HSPG2: variants seen among roughly 807,000 people sequenced by gnomAD.
HSPG2 encodes heparan sulfate proteoglycan 2, also known as basement membrane-specific heparan sulfate proteoglycan core protein.
In HSPG2, 278 loss-of-function variants were observed where a neutral mutation model predicts 526.6. The observed-to-expected ratio is 0.53, with a 90% CI of 0.48 to 0.58. The LOEUF is 0.58. Among genes scored for constraint, HSPG2 ranks in the 20% least tolerant of loss-of-function variants. The pLI is 0.00. For synonymous variants in HSPG2, 2,465 were observed against 2,555.4 expected (o/e 0.96, Z 1.07); for missense variants, 5,354 against 6,099.5 (o/e 0.88, Z 4.07).
intron 3 of HSPG2, among the ~76,000 whole-genome samples, chr1:21,894,423 C>A (rs1484042530): frequency 6.6e-6 from 1 of 152,118 alleles, no homozygotes; most frequent in Non-Finnish European, 1.5e-5. Context: ...CTGCTGCCTC[C>A]CTGACTGGCA....
intron 21 of HSPG2, among the ~76,000 whole-genome samples, chr1:21,877,820 G>C (rs1641200281): frequency 6.6e-6 from 1 of 152,140 alleles, no homozygotes; most frequent in Admixed American, 6.5e-5. Flanking sequence ...CCTAACGCAA[G>C]TGACCTCCCT....
intron 63 of HSPG2, 40 bp downstream of exon 63, chr1:21,846,408 C>T (rs1460318174): frequency 2.5e-6 from 4 of 1,612,540 alleles, no homozygotes; most frequent in Admixed American, 1.7e-5. Context: ...AGGGCCCCCA[C>T]ATCCAGCGGC....
chr1:21,870,726 C>T, intron 33 of HSPG2: 1 of 594,662 alleles, frequency 1.7e-6, no homozygotes, highest in Non-Finnish European at 2.1e-6. Context: ...TTCATGCAGA[C>T]CCCCAATGCC....
intron 63 of HSPG2, 31 bp from the exon 64 acceptor site, chr1:21,846,286 T>C: frequency 6.2e-7 from 1 of 1,612,418 alleles, no homozygotes; most frequent in Non-Finnish European, 8.5e-7. Context: ...AGGAACAGAG[T>C]CAGGTGCCAG....
chr1:21,824,067 T>C lies in HSPG2; in HGVS notation c.12899+54A>G. On this transcript the variant is annotated intron_variant, in intron 95 of 96. Coordinates refer to ENST00000374695, the MANE Select transcript of HSPG2 (RefSeq NM_005529.7). This position sits in a 1 kb window ranked among gnomAD's most constrained non-coding sequence, Gnocchi z 5.9. Reference sequence around the variant, plus strand: ...TCTCTGCCCATGGTAGGGGGCGTCCTGCCCCACTCCAGAACGCTGGGCCCC... The same window carrying C: ...TCTCTGCCCATGGTAGGGGGCGTCCCGCCCCACTCCAGAACGCTGGGCCCC... 1 of 1,494,528 alleles carries C rather than the reference T, an allele frequency of 6.7e-7. No individual in the cohort carries two copies. The highest frequency in any genetic ancestry group is 2.3e-4 in the Middle Eastern group (1 of 4,416). The allele number at this position is 1,494,528 out of a possible 1,614,324, so 92.6% of individuals were successfully genotyped here. A position where few individuals can be genotyped will look rare whatever the true frequency, so the allele number is the denominator to read the frequency against.
intron 1 of HSPG2, among the ~76,000 whole-genome samples, chr1:21,903,631 T>C (rs1267129493): frequency 1.3e-5 from 2 of 151,912 alleles, no homozygotes; most frequent in Non-Finnish European, 2.9e-5. Context: ...AAAATAAAAA[T>C]AAATAAAATG....
chr1:21,844,417 C>T (rs1369996294), intron 64 of HSPG2, 118 bp from the exon 65 acceptor site: 20 of 1,168,654 alleles, frequency 1.7e-5, no homozygotes, highest in East Asian at 1.5e-4. Flanking sequence ...TTTCCCTTCC[C>T]GTTCCATTGA....
At position 21,854,598 on chromosome 1, in the gene HSPG2, AGGG is replaced by A; in HGVS notation, c.6288+10_6288+12del. ...ACCCTGGGTCCCCTGCCATAGGCTC[AGGG>A]CCCACATACCTGGGTGTGGGGAGGC... is the stretch of plus-strand genomic sequence containing the variant. On this transcript the variant is annotated intron_variant, in intron 49 of 96. Transcript: ENST00000374695. 7 of 1,553,418 alleles carry A rather than the reference AGGG, an allele frequency of 4.5e-6. No homozygotes were observed. Among genetic ancestry groups the A allele is most frequent in the Non-Finnish European group, 6.1e-6 (7 of 1,146,420 alleles).
At chr1:21,867,248 G>A (rs2152739406) in intron 33 of HSPG2, among the ~76,000 whole-genome samples, 1 of 151,524 alleles carries the variant, frequency 6.6e-6, no homozygotes, top group South Asian at 2.1e-4. Flanking sequence ...GAGCCACCAT[G>A]CCCGGCCGAT....
chr1:21,883,318 AGTTTT>A (rs1333839814), intron 13 of HSPG2, among the ~76,000 whole-genome samples: 1 of 152,102 alleles, frequency 6.6e-6, no homozygotes, highest in Non-Finnish European at 1.5e-5. Context: ...GAAGTAACTA[AGTTTT>A]GTTTTGTTTT....
At position 21,823,603 on chromosome 1, in the gene HSPG2, GC is replaced by G. The variant is rs1471677255; in HGVS notation, c.13003+12del. 6.2e-7 allele frequency: 1 copy of G among 1,612,030 alleles called. No homozygotes were observed. The highest frequency in any genetic ancestry group is 1.7e-5 in the Admixed American group (1 of 60,020). On this transcript the variant is annotated intron_variant, in intron 96 of 96. Coordinates refer to ENST00000374695, the MANE Select transcript of HSPG2 (RefSeq NM_005529.7). ...GTTCCTGCCCCTGCCCTGAGAAGGA[GC>G]CCCAGACTTACCGATGTAGACGCTG...
At position 21,864,877 on chromosome 1, in the gene HSPG2, C is replaced by T. The variant is rs553872815; in HGVS notation, c.4592G>A (p.Arg1531His). Residue 1531 changes from arginine (R) to histidine (H), a missense_variant, in exon 36 of 97, where the codon CGC (arginine) becomes CAC (histidine). By Grantham distance (29) the Arg-to-His change is conservative (BLOSUM62 0). Transcript: ENST00000374695. The surrounding 1 kb of genome is among the most constrained non-coding windows in gnomAD (Gnocchi z 4.8). ...CAGACCGATGTAGCCTGGCGGGCAG[C>T]GGCACTCCTCCACCTCGAGGGCGCG... ...RPRALEVEECRCPPGYIGLSC... is the reference protein window; with the variant it reads ...RPRALEVEECHCPPGYIGLSC... 38 of 1,610,518 alleles carry T rather than the reference C, an allele frequency of 2.4e-5. No individual in the cohort carries two copies. In the Middle Eastern group the frequency reaches 6.6e-4, roughly 28 times the overall value.
At chr1:21,929,320 G>C (rs186480618) in intron 1 of HSPG2, among the ~76,000 whole-genome samples, 151 of 152,318 alleles carry the variant, frequency 9.9e-4, no homozygotes, top group Middle Eastern at 6.8e-3. Context: ...GGAGCTCCTG[G>C]CTGGAGATGG....
chr1:21,908,063 C>T (rs923245232), intron 1 of HSPG2: 37 of 747,744 alleles, frequency 4.9e-5, no homozygotes, highest in South Asian at 4.1e-4. Context: ...TGCTGCCTTT[C>T]GGCCGGAACC....
chr1:21,842,071 T>G lies in HSPG2; in HGVS notation c.9124A>C (p.Lys3042Gln), dbSNP rs1264587932. ...TVQQGQDASF[K>Q]CLIHDGAAPI... ...GCTGCCCCGTCATGGATGAGGCACT[T>G]GAAGCTGGCATCCTGGCCCTGCTGC... The change falls in exon 69 of 97, where the codon AAG becomes CAG. Residue 3042 changes from lysine to glutamine, a missense_variant. Transcript: ENST00000374695. The G allele has an allele frequency of 5.6e-6, 9 of 1,613,592 alleles. No homozygotes were observed. Among genetic ancestry groups the G allele is most frequent in the Non-Finnish European group, 6.8e-6 (8 of 1,180,014 alleles).
Position 21,830,055 on chromosome 1 carries a change from G to C in HSPG2, c.11708C>G (p.Pro3903Arg), listed in dbSNP as rs928883966. The C allele has an allele frequency of 1.9e-6, 3 of 1,604,692 alleles. No homozygotes were observed. Among genetic ancestry groups the C allele is most frequent in the South Asian group, 2.2e-5 (2 of 89,454 alleles). The change falls in exon 86 of 97, where the codon CCT (proline) becomes CGT (arginine). Residue 3903 changes from proline to arginine, a missense_variant. Transcript: ENST00000374695. Reference protein sequence around the residue: ...CGPDATCVNRPDGRGYTCRCH... With the variant: ...CGPDATCVNRRDGRGYTCRCH... ...GCGGCAGGTGTAGCCTCGACCGTCA[G>C]GCCGGTTCACACAGGTGGCGTCGGG...
Position 21,847,330 on chromosome 1 carries a change from C to T in HSPG2, c.8164+24G>A, listed in dbSNP as rs749336229. 30 of 1,613,566 alleles carry T rather than the reference C, an allele frequency of 1.9e-5. No homozygotes were observed. Among genetic ancestry groups the T allele is most frequent in the Admixed American group, 3.3e-5 (2 of 60,010 alleles). ...AGGGAACACTGTTGCCTGCATCCCTCGTCCCTTTCCTAGGCAGACTCACCG... is the reference window on the plus strand; with the variant it reads ...AGGGAACACTGTTGCCTGCATCCCTTGTCCCTTTCCTAGGCAGACTCACCG... On this transcript the variant is annotated intron_variant, in intron 62 of 96. Coordinates refer to ENST00000374695, the MANE Select transcript of HSPG2 (RefSeq NM_005529.7). This position sits in a 1 kb window ranked among gnomAD's most constrained non-coding sequence, Gnocchi z 4.1.
At position 21,835,558 on chromosome 1, in the gene HSPG2, C is replaced by T. The variant is rs1243397014; in HGVS notation, c.10435G>A (p.Ala3479Thr). 1.2e-6 allele frequency: 2 copies of T among 1,613,502 alleles called. No individual in the cohort carries two copies. The highest frequency in any genetic ancestry group is 3.3e-5 in the Admixed American group (2 of 60,014). Residue 3479 changes from alanine (A) to threonine (T), a missense_variant, in exon 76 of 97, where the codon GCC (alanine) becomes ACC (threonine). Physicochemically the swap from Ala to Thr is moderately conservative, Grantham distance 58. Transcript: ENST00000374695. ...CTCCTACCTTGGATAACCAGCTGGG[C>T]ACTGGCCTGGGCCTTCCCCCAAGGT... is the stretch of plus-strand genomic sequence containing the variant. ...HGPWGKAQAS[A>T]QLVIQALPSV...
rs1229471656 is a variant in HSPG2, at chr1:21,829,098, A to G, written c.11993-19T>C. On this transcript the variant is annotated intron_variant, in intron 87 of 96. Transcript: ENST00000374695. ...GCCAGCCCTGGGGAGGATGCCAGGCAGGGTTGGGCACATGGGGGCACACGG... is the reference window on the plus strand; with the variant it reads ...GCCAGCCCTGGGGAGGATGCCAGGCGGGGTTGGGCACATGGGGGCACACGG... The G allele has an allele frequency of 6.5e-7, 1 of 1,531,606 alleles. No individual in the cohort carries two copies. Among genetic ancestry groups the G allele is most frequent in the Non-Finnish European group, 8.8e-7 (1 of 1,142,128 alleles). The allele number at this position is 1,531,606 out of a possible 1,614,324, so 94.9% of individuals were successfully genotyped here. A position where few individuals can be genotyped will look rare whatever the true frequency, so the allele number is the denominator to read the frequency against.
Sources: allele counts gnomAD v4.1 joint callset (sites outside exome capture counted in the v4.1 genomes callset), GRCh38; gene constraint gnomAD v4.1.1; non-coding constraint Gnocchi (gnomAD v3.1); transcripts MANE v1.5; gene names NCBI Gene and HGNC (gene_info 2026-07-23, HGNC 2026-07-21).